Variants in DPP4 observed in about 807,000 individuals in gnomAD.
DPP4 encodes the protein dipeptidyl peptidase 4.
Under a neutral mutation model 122.4 loss-of-function variants are expected in DPP4, and 93 were observed. That is an observed-to-expected ratio of 0.76 (90% CI 0.64 to 0.90). The LOEUF is 0.90. Ranked by LOEUF, DPP4 falls within the 40% of genes least tolerant of loss-of-function variation. The probability of loss-of-function intolerance (pLI) is 0.00; values close to 1 mark genes in which losing one functional copy is unlikely to be tolerated. For missense variants in DPP4, 914 were observed against 907.3 expected (o/e 1.01, Z -0.09); for synonymous variants, 321 against 302.9 (o/e 1.06, Z -0.62).
chr2:162,021,588 C>T (rs933268133), intron 12 of DPP4: 4 of 152,124 alleles, frequency 2.6e-5, no homozygotes, highest in Admixed American at 6.5e-5. Context: ...TGATTCAAAG[C>T]GAATTCATTT....
chr2:162,058,639 C>T (rs534272948), intron 2 of DPP4, among the ~76,000 whole-genome samples: 24 of 152,316 alleles, frequency 1.6e-4, no homozygotes, highest in African/African-American at 5.1e-4. Flanking sequence ...AATACAACAT[C>T]TAGACCTGGA....
At chr2:162,003,330 C>G (rs368148011) in intron 23 of DPP4, among the ~76,000 whole-genome samples, 4 of 151,814 alleles carry the variant, frequency 2.6e-5, no homozygotes, top group Admixed American at 2.0e-4. Context: ...TCGGTGGGAA[C>G]GAGGAGCCTA....
chr2:162,033,862 G>GTATATATATATATATATATATA (rs138320647), intron 9 of DPP4, among the ~76,000 whole-genome samples: 6 of 104,026 alleles, frequency 5.8e-5, no homozygotes, highest in Admixed American at 1.1e-4. Flanking sequence ...CAGAATATGT[G>GTATATATATATATATATATATA]TATATATATA....
At chr2:162,047,833 G>T (rs910195216) in intron 2 of DPP4, among the ~76,000 whole-genome samples, 1 of 152,100 alleles carries the variant, frequency 6.6e-6, no homozygotes, top group African/African-American at 2.4e-5. Context: ...AAATTTTAAG[G>T]TAAAAATAAT....
At chr2:162,033,003 T>C (rs967789897) in intron 10 of DPP4, among the ~76,000 whole-genome samples, 10 of 152,238 alleles carry the variant, frequency 6.6e-5, no homozygotes, top group African/African-American at 2.4e-4. Flanking sequence ...TCTTCTTCAG[T>C]CAAAAGGCTC....
intron 5 of DPP4, 101 bp from the exon 6 acceptor site, chr2:162,039,285 T>C: frequency 2.0e-6 from 2 of 976,566 alleles, no homozygotes; most frequent in Non-Finnish European, 3.1e-6. Flanking sequence ...TATGATTGTA[T>C]AATTCTCACA....
intron 2 of DPP4, 58 bp from the exon 3 acceptor site, chr2:162,047,559 G>T: frequency 2.4e-6 from 3 of 1,242,000 alleles, no homozygotes; most frequent in Non-Finnish European, 3.4e-6. Flanking sequence ...CCTAAGTTTT[G>T]GATAAAATAA....
At chr2:162,016,717 A>G in intron 18 of DPP4, 51 bp downstream of exon 18, 1 of 1,188,410 alleles carries the variant, frequency 8.4e-7, no homozygotes. Context: ...CTATAGTTAG[A>G]GTGCATTGGT....
intron 12 of DPP4, chr2:162,021,414 G>A (rs1683122570): frequency 1.3e-5 from 2 of 152,174 alleles, no homozygotes; most frequent in African/African-American, 2.4e-5. Context: ...GTCTATCCCA[G>A]CCTGAAAGGA....
chr2:162,074,018 G>C lies in DPP4; in HGVS notation c.-37C>G, dbSNP rs202200007. On this transcript the variant is annotated 5_prime_UTR_variant, in exon 1 of 26. Transcript: ENST00000360534. ...CCTCGGAAGTGAGCGTTCAGAGAAG[G>C]AGCGCAGGCAGAAGTCACCGCGGGC... The C allele has an allele frequency of 6.2e-7, 1 of 1,608,126 alleles. No homozygotes were observed. The highest frequency in any genetic ancestry group is 1.1e-5 in the South Asian group (1 of 89,814).
At chr2:162,013,719 G>C (rs1682797102) in intron 19 of DPP4, among the ~76,000 whole-genome samples, 1 of 152,164 alleles carries the variant, frequency 6.6e-6, no homozygotes, top group Non-Finnish European at 1.5e-5. Flanking sequence ...TATAGGAAAT[G>C]ATGCAAGCCA....
intron 13 of DPP4, 22 bp from the exon 14 acceptor site, chr2:162,020,318 CAA>C (rs35175377): frequency 0.04 from 36,866 of 923,270 alleles, 8 homozygotes; most frequent in East Asian, 0.15. Flanking sequence ...TTTTTTTTTT[CAA>C]AAAAAAAAAA....
chr2:162,015,816 C>A (rs975367201), intron 18 of DPP4, among the ~76,000 whole-genome samples: 1 of 152,152 alleles, frequency 6.6e-6, no homozygotes, highest in East Asian at 1.9e-4. Flanking sequence ...GTATTCAGTG[C>A]CTTCTGTACC....
intron 5 of DPP4, among the ~76,000 whole-genome samples, chr2:162,041,009 A>G (rs1294449341): frequency 2.6e-5 from 4 of 152,122 alleles, no homozygotes; most frequent in African/African-American, 9.7e-5. Flanking sequence ...AATTTACAAA[A>G]AACTATAGGA....
At chr2:161,995,073 C>T (rs200303803) in intron 24 of DPP4, 39 bp from the exon 25 acceptor site, 37 of 1,601,758 alleles carry the variant, frequency 2.3e-5, no homozygotes, top group Non-Finnish European at 3.2e-5. Flanking sequence ...AGCTAATAGC[C>T]ACTCCAGTTT....
chr2:161,994,658 G>A (rs963734759), intron 25 of DPP4, among the ~76,000 whole-genome samples: 3 of 152,086 alleles, frequency 2.0e-5, no homozygotes, highest in Non-Finnish European at 4.4e-5. Flanking sequence ...CACATTTACT[G>A]AACAAGTGAT....
chr2:162,063,761 C>T lies in DPP4; in HGVS notation c.94+9638G>A, dbSNP rs911173559. 2.1e-4 allele frequency among the ~76,000 whole-genome samples: 32 copies of T among 152,190 alleles called. 1 individual carries two copies. Among genetic ancestry groups the T allele is most frequent in the Middle Eastern group, 6.8e-3 (2 of 294 alleles). On this transcript the variant is annotated intron_variant, in intron 2 of 25. Transcript: ENST00000360534. ...GGGTAACAGACAGTGATAATAGAAA[C>T]TCTTTAAGAAGTTTTGTGGTAAAGA...
At position 162,018,787 on chromosome 2, in the gene DPP4, A is replaced by T. The variant is rs1360948406; in HGVS notation, c.1362T>A (p.Cys454Ter). 1 of 1,614,140 alleles carries T rather than the reference A, an allele frequency of 6.2e-7. No homozygotes were observed. ...TACTGAATGACACAGAATAGTACTG[A>T]CACCTTTCCGGATTCAGCTCACAAC... The part of the protein sequence containing the change: ...CLSCELNPER[C>*]QYYSVSFSKE... Residue 454 changes from cysteine (C) to a stop codon, truncating the protein, a stop_gained, in exon 16 of 26, where the codon TGT becomes TGA. Coordinates refer to ENST00000360534, the MANE Select transcript of DPP4 (RefSeq NM_001935.4). LOFTEE classifies it high-confidence loss of function.
At position 162,073,388 on chromosome 2, in the gene DPP4, T is replaced by G; in HGVS notation, c.94+11A>C. ...CAACTGTCCTATCTTTTTCAAATGT[T>G]TCAAACTTACTGCCTTTGTTCAGCA... is the stretch of plus-strand genomic sequence containing the variant. On this transcript the variant is annotated intron_variant, in intron 2 of 25. Transcript: ENST00000360534. 1 of 1,613,876 alleles carries G rather than the reference T, an allele frequency of 6.2e-7. No homozygotes were observed. The highest frequency in any genetic ancestry group is 8.5e-7 in the Non-Finnish European group (1 of 1,179,936).
Sources: allele counts gnomAD v4.1 joint callset (sites outside exome capture counted in the v4.1 genomes callset), GRCh38; gene constraint gnomAD v4.1.1; transcripts MANE v1.5; gene names NCBI Gene and HGNC (gene_info 2026-07-23, HGNC 2026-07-21).